Variants in KCNQ1OT1 observed in about 807,000 individuals in gnomAD.
The protein encoded by KCNQ1OT1 is KCNQ1 antisense RNA 2 (non-protein coding).
At position 2,691,532 on chromosome 11, in the gene KCNQ1OT1, G is replaced by A. The variant is rs749551427; in HGVS notation, n.8463C>T. 2.2e-4 allele frequency: 88 copies of A among 398,436 alleles called. No homozygotes were observed. Among genetic ancestry groups the A allele is most frequent in the Non-Finnish European group, 3.4e-4 (76 of 226,068 alleles). The allele number at this position is 398,436 out of a possible 1,614,324, so 24.7% of individuals were successfully genotyped here. A position where few individuals can be genotyped will look rare whatever the true frequency, so the allele number is the denominator to read the frequency against. On this transcript the variant is annotated non_coding_transcript_exon_variant, in exon 1 of 1. Transcript: ENST00000597346. This position sits in a 1 kb window ranked among gnomAD's most constrained non-coding sequence, Gnocchi z 6.4. ...GCTTGCTTGGCTTTGCATTAAAGTT[G>A]GGGGGATTTCTCTATCCTGAGGTTA...
chr11:2,650,286 T>C lies in KCNQ1OT1; in HGVS notation n.49709A>G, dbSNP rs78358746. The C allele has an allele frequency of 6.1e-3, 2,443 of 398,572 alleles. 54 individuals are homozygous for C. The highest frequency in any genetic ancestry group is 0.043 in the African/African-American group (2,101 of 48,724). The allele number at this position is 398,572 out of a possible 1,614,324, so 24.7% of individuals were successfully genotyped here. A position where few individuals can be genotyped will look rare whatever the true frequency, so the allele number is the denominator to read the frequency against. On this transcript the variant is annotated non_coding_transcript_exon_variant, in exon 1 of 1. Transcript: ENST00000597346. ...ACTTTGGAGTCTATTATTGGAGAATTATTGTGTTCTTTTGGCAAGTCATGT... is the reference window on the plus strand; with the variant it reads ...ACTTTGGAGTCTATTATTGGAGAATCATTGTGTTCTTTTGGCAAGTCATGT...
At chr11:2,646,806 A>G (rs879495463) in exon 1 of KCNQ1OT1, 2 of 398,616 alleles carry the variant, frequency 5.0e-6, no homozygotes, top group Non-Finnish European at 8.8e-6. Context: ...ATGAGCCATC[A>G]TGTCCACACC....
rs1850187435 is a variant in KCNQ1OT1, at chr11:2,671,758, C to A, written n.28237G>T. 5.0e-6 allele frequency: 2 copies of A among 398,698 alleles called. No individual in the cohort carries two copies. Among genetic ancestry groups the A allele is most frequent in the Non-Finnish European group, 8.8e-6 (2 of 226,110 alleles). 24.7% of individuals were successfully genotyped at this position (398,698 alleles called of 1,614,324 possible). On this transcript the variant is annotated non_coding_transcript_exon_variant, in exon 1 of 1. Transcript: ENST00000597346. The surrounding 1 kb of genome is among the most constrained non-coding windows in gnomAD (Gnocchi z 4.7). ...GAGAACAAGGAGCTACATACACATA[C>A]ATGCATGCACATAATCATTCTGACC...
chr11:2,624,427 C>A lies in KCNQ1OT1; in HGVS notation n.75568G>T, dbSNP rs1293598845. The A allele has an allele frequency of 2.5e-6, 1 of 398,298 alleles. No homozygotes were observed. Among genetic ancestry groups the A allele is most frequent in the Non-Finnish European group, 4.4e-6 (1 of 226,032 alleles). 24.7% of individuals were successfully genotyped at this position (398,298 alleles called of 1,614,324 possible). A position where few individuals can be genotyped will look rare whatever the true frequency, so the allele number is the denominator to read the frequency against. ...CAGAAACTTTTATTTTTAACAAAGT[C>A]TAGCTTATCAATTATTTCTTTCATG... On this transcript the variant is annotated non_coding_transcript_exon_variant, in exon 1 of 1. Transcript: ENST00000597346. The surrounding 1 kb of genome is among the most constrained non-coding windows in gnomAD (Gnocchi z 4.9).
chr11:2,690,596 GT>G lies in KCNQ1OT1; in HGVS notation n.9398del, dbSNP rs1850572251. 2.5e-6 allele frequency: 1 copy of G among 398,594 alleles called. No individual in the cohort carries two copies. Among genetic ancestry groups the G allele is most frequent in the Non-Finnish European group, 4.4e-6 (1 of 226,118 alleles). 24.7% of individuals were successfully genotyped at this position (398,594 alleles called of 1,614,324 possible). ...GACAGAACCCACCTCCTGGCAGGGA[GT>G]GGGGCACACATATGTGCATGTTCAT... is the stretch of plus-strand genomic sequence containing the variant. On this transcript the variant is annotated non_coding_transcript_exon_variant, in exon 1 of 1. Coordinates refer to ENST00000597346, the Ensembl canonical transcript of KCNQ1OT1. This position sits in a 1 kb window ranked among gnomAD's most constrained non-coding sequence, Gnocchi z 5.1.
chr11:2,635,714 G>A (rs1456304837), exon 1 of KCNQ1OT1: 1 of 152,108 alleles, frequency 6.6e-6, no homozygotes, highest in Non-Finnish European at 1.5e-5. Context: ...TTCCAATTCT[G>A]TGAAGAAAGT....
In KCNQ1OT1 at chr11:2,654,947, A is replaced by G. The variant is rs1590009665; in HGVS notation, n.45048T>C. ...GGCACAGATACAGGAGACTTCCACA[A>G]ATTATTGTTTCTTGACTTGGAAAAG... On this transcript the variant is annotated non_coding_transcript_exon_variant, in exon 1 of 1. Transcript: ENST00000597346. This position sits in a 1 kb window ranked among gnomAD's most constrained non-coding sequence, Gnocchi z 6.4. 1 of 398,622 alleles carries G rather than the reference A, an allele frequency of 2.5e-6. No individual in the cohort carries two copies. 24.7% of individuals were successfully genotyped at this position (398,622 alleles called of 1,614,324 possible).
exon 1 of KCNQ1OT1, chr11:2,631,214 G>T (rs1471217015): frequency 2.5e-6 from 1 of 398,322 alleles, no homozygotes; most frequent in Admixed American, 4.4e-5. Flanking sequence ...TATAAATCCT[G>T]TGTGAACATT....
chr11:2,658,229 C>A lies in KCNQ1OT1; in HGVS notation n.41766G>T, dbSNP rs959958960. ...TCAGCATTCATTCATGGATCGTTTT[C>A]CTGCAGCAAATATTACCGTGATGTA... On this transcript the variant is annotated non_coding_transcript_exon_variant, in exon 1 of 1. Transcript: ENST00000597346. The surrounding 1 kb of genome is among the most constrained non-coding windows in gnomAD (Gnocchi z 4.9). The A allele has an allele frequency of 2.5e-6, 1 of 398,578 alleles. No homozygotes were observed. The allele number at this position is 398,578 out of a possible 1,614,324, so 24.7% of individuals were successfully genotyped here. A position where few individuals can be genotyped will look rare whatever the true frequency, so the allele number is the denominator to read the frequency against.
exon 1 of KCNQ1OT1, chr11:2,685,731 C>A: frequency 2.5e-6 from 1 of 398,676 alleles, no homozygotes; most frequent in Non-Finnish European, 4.4e-6. Flanking sequence ...TCTGACAGTC[C>A]GCCGAAATGG....
chr11:2,699,091 TC>T, exon 1 of KCNQ1OT1: 1 of 398,516 alleles, frequency 2.5e-6, no homozygotes, highest in Non-Finnish European at 4.4e-6. Context: ...CCAACTTCCA[TC>T]CCAATAGCGC....
exon 1 of KCNQ1OT1, chr11:2,609,430 G>A (rs898582131): frequency 4.5e-5 from 18 of 398,248 alleles, no homozygotes; most frequent in South Asian, 1.3e-4. Context: ...GGTTTGTTTC[G>A]TGACTTAGCA....
rs1216870865 is a variant in KCNQ1OT1, at chr11:2,661,435, T to C, written n.38560A>G. On this transcript the variant is annotated non_coding_transcript_exon_variant, in exon 1 of 1. Coordinates refer to ENST00000597346, the Ensembl canonical transcript of KCNQ1OT1. The surrounding 1 kb of genome is among the most constrained non-coding windows in gnomAD (Gnocchi z 5.9). ...CCTCATTGGGGGTACAACTGGTTGA[T>C]GTAGCATCGTGTTTTGAGGAAGGAG... 1 of 435,906 alleles carries C rather than the reference T, an allele frequency of 2.3e-6. No homozygotes were observed. Among genetic ancestry groups the C allele is most frequent in the African/African-American group, 2.0e-5 (1 of 49,862 alleles). The allele number at this position is 435,906 out of a possible 1,614,324, so 27.0% of individuals were successfully genotyped here.
In KCNQ1OT1 at chr11:2,671,100, GTCTGAGCAGT is replaced by G; in HGVS notation, n.28885_28894del. On this transcript the variant is annotated non_coding_transcript_exon_variant, in exon 1 of 1. Transcript: ENST00000597346. The surrounding 1 kb of genome is among the most constrained non-coding windows in gnomAD (Gnocchi z 4.7). ...CTAGCAGGAGGAAGTCTGGCAGTTAGTCTGAGCAGTTAGTCTGTCAGGCCTGGTTGGTCCC... is the reference window on the plus strand; with the variant it reads ...CTAGCAGGAGGAAGTCTGGCAGTTAGTAGTCTGTCAGGCCTGGTTGGTCCC... 1 of 126,418 alleles carries G rather than the reference GTCTGAGCAGT, an allele frequency of 7.9e-6. No individual in the cohort carries two copies. 7.8% of individuals were successfully genotyped at this position (126,418 alleles called of 1,614,324 possible).
At chr11:2,699,977 C>A (rs1393675347) in exon 1 of KCNQ1OT1, 2 of 398,314 alleles carry the variant, frequency 5.0e-6, no homozygotes, top group Non-Finnish European at 8.9e-6. Context: ...CGTGCTGAGG[C>A]GACGCGGCGA....
exon 1 of KCNQ1OT1, chr11:2,632,521 T>A (rs982498917): frequency 2.5e-6 from 1 of 398,406 alleles, no homozygotes. Context: ...TTTTTCTTTG[T>A]CCTTTTATTT....
rs1564848012 is a variant in KCNQ1OT1 at position 2,659,110 on chromosome 11, A to AT, written n.40884dup. ...GTAGGGTCCTCCAACATCCGGGTTAATTTTTTAAATTTGCATACAGTAAAA... is the reference window on the plus strand; with the variant it reads ...GTAGGGTCCTCCAACATCCGGGTTAATTTTTTTAAATTTGCATACAGTAAAA... On this transcript the variant is annotated non_coding_transcript_exon_variant, in exon 1 of 1. Transcript: ENST00000597346. The surrounding 1 kb of genome is among the most constrained non-coding windows in gnomAD (Gnocchi z 4.3). 1 of 398,410 alleles carries AT rather than the reference A, an allele frequency of 2.5e-6. No individual in the cohort carries two copies. The highest frequency in any genetic ancestry group is 4.4e-6 in the Non-Finnish European group (1 of 226,040). The allele number at this position is 398,410 out of a possible 1,614,324, so 24.7% of individuals were successfully genotyped here.
exon 1 of KCNQ1OT1, chr11:2,630,058 C>A (rs1327673687): frequency 1.0e-5 from 4 of 398,052 alleles, no homozygotes; most frequent in African/African-American, 2.1e-5. Context: ...GTGGGCTATT[C>A]ATATATGGCC....
exon 1 of KCNQ1OT1, chr11:2,633,089 CTT>C (rs2133818748): frequency 2.5e-6 from 1 of 398,396 alleles, no homozygotes; most frequent in East Asian, 3.6e-5. Context: ...TATGTTTTGT[CTT>C]TTTGAAAACA....
Sources: gnomAD v4.1 joint callset for allele counts on GRCh38, gnomAD v4.1.1 for gene constraint, Gnocchi (gnomAD v3.1) non-coding constraint, MANE v1.5 for transcripts, NCBI Gene and HGNC (gene_info 2026-07-23, HGNC 2026-07-21) for gene names.